Variants in ETV6 observed in about 807,000 individuals in gnomAD.
The protein encoded by ETV6 is transcription factor ETV6.
ETV6 carries 16 observed loss-of-function variants against 51.1 expected under a neutral mutation model. That is an observed-to-expected ratio of 0.31 (90% confidence interval 0.21 to 0.48). The LOEUF is 0.48. Ranked by LOEUF, ETV6 falls within the 20% of genes least tolerant of loss-of-function variation. ETV6 has a pLI of 0.99. For missense variants in ETV6, 458 were observed against 594.8 expected (o/e 0.77, Z 2.39); for synonymous variants, 240 against 224.1 (o/e 1.07, Z -0.64).
intron 1 of ETV6, among the ~76,000 whole-genome samples, chr12:11,664,764 C>A (rs1864165352): frequency 6.6e-6 from 1 of 152,214 alleles, no homozygotes; most frequent in Non-Finnish European, 1.5e-5. Context: ...CTTTCTCCTC[C>A]ATACCGGCTG....
At chr12:11,847,059 C>T (rs1946477505) in intron 3 of ETV6, among the ~76,000 whole-genome samples, 2 of 151,986 alleles carry the variant, frequency 1.3e-5, no homozygotes, top group South Asian at 2.1e-4. Context: ...AAAGTGGAGG[C>T]GGGGCATCTG....
intron 5 of ETV6, among the ~76,000 whole-genome samples, chr12:11,871,350 G>A (rs2739090): frequency 0.57 from 86,759 of 151,732 alleles, 25,473 homozygotes; most frequent in Non-Finnish European, 0.64. Flanking sequence ...CACCATGCCC[G>A]GCTAATTTTT....
chr12:11,769,050 C>A, intron 2 of ETV6: 1 of 431,520 alleles, frequency 2.3e-6, no homozygotes, highest in Non-Finnish European at 4.6e-6. Flanking sequence ...AGAGAAAAAA[C>A]TTGGATAATA....
At chr12:11,761,555 T>C (rs1391585931) in intron 2 of ETV6, among the ~76,000 whole-genome samples, 2 of 152,272 alleles carry the variant, frequency 1.3e-5, no homozygotes, top group Non-Finnish European at 2.9e-5. Flanking sequence ...CTTAAAACAC[T>C]GAACTTCCTG....
intron 2 of ETV6, chr12:11,768,952 A>G (rs767143757): frequency 1.0e-5 from 5 of 485,346 alleles, no homozygotes; most frequent in African/African-American, 9.7e-5. Context: ...AGAAAATTCA[A>G]ATCTTGTTCT....
chr12:11,676,375 A>G (rs2541119), intron 1 of ETV6, among the ~76,000 whole-genome samples: 13,540 of 151,986 alleles, frequency 0.089, 1,159 homozygotes, highest in African/African-American at 0.22. Context: ...GCCCTGACAA[A>G]TTTCTATTAC....
intron 1 of ETV6, among the ~76,000 whole-genome samples, chr12:11,737,869 T>G (rs942107547): frequency 1.3e-5 from 2 of 152,202 alleles, no homozygotes; most frequent in African/African-American, 4.8e-5. Context: ...CCCTGCCCAC[T>G]TTTTTTGTAG....
intron 2 of ETV6, among the ~76,000 whole-genome samples, chr12:11,761,609 G>A (rs886235809): frequency 1.3e-5 from 2 of 152,200 alleles, no homozygotes; most frequent in African/African-American, 2.4e-5. Context: ...ATTGCCTGAC[G>A]TTTGGTGCCT....
intron 1 of ETV6, among the ~76,000 whole-genome samples, chr12:11,659,218 G>A (rs565375565): frequency 1.9e-4 from 29 of 152,056 alleles, no homozygotes; most frequent in African/African-American, 6.5e-4. Context: ...AGATGTGAGG[G>A]GACCGAAGTG....
intron 2 of ETV6, among the ~76,000 whole-genome samples, chr12:11,773,410 C>T (rs1244752433): frequency 3.3e-5 from 5 of 151,946 alleles, no homozygotes; most frequent in African/African-American, 1.2e-4. Flanking sequence ...GACATGATGT[C>T]GGAATGAACA....
intron 7 of ETV6, among the ~76,000 whole-genome samples, chr12:11,888,399 T>TTTTCTTTC (rs1491382545): frequency 2.2e-3 from 10 of 4,618 alleles, no homozygotes; most frequent in East Asian, 4.1e-3. Context: ...TTTTCTTTTC[T>TTTTCTTTC]TTTTTTTTTT....
rs894627309 is a variant in ETV6, at chr12:11,801,136, T to C, written c.164-38004T>C. Among the ~76,000 whole-genome samples, 3 of 152,260 alleles carry C rather than the reference T, an allele frequency of 2.0e-5. No individual in the cohort carries two copies. In the South Asian group the frequency reaches 6.2e-4, roughly 32 times the overall value. On this transcript the variant is annotated intron_variant, in intron 2 of 7. Transcript: ENST00000396373. ...TTTTAAAGTGTAATTCTAAGGAGACTCCCAGCATCCGGATGGCAAATACGT... is the reference window on the plus strand; with the variant it reads ...TTTTAAAGTGTAATTCTAAGGAGACCCCCAGCATCCGGATGGCAAATACGT...
At chr12:11,839,698 G>A (rs1317825530) in intron 3 of ETV6, among the ~76,000 whole-genome samples, 1 of 152,108 alleles carries the variant, frequency 6.6e-6, no homozygotes, top group East Asian at 1.9e-4. Context: ...TGGGCAATGT[G>A]GCAAAACCTC....
At chr12:11,772,688 C>T (rs1945259509) in intron 2 of ETV6, among the ~76,000 whole-genome samples, 1 of 152,140 alleles carries the variant, frequency 6.6e-6, no homozygotes, top group African/African-American at 2.4e-5. Context: ...CAAGTCAGAG[C>T]GTCTGTTCAC....
rs975061387 is a variant in ETV6 at position 11,892,732 on chromosome 12, C to G, written c.*1686C>G. The G allele has an allele frequency of 4.3e-6, 1 of 232,986 alleles. No homozygotes were observed. Among genetic ancestry groups the G allele is most frequent in the Non-Finnish European group, 8.5e-6 (1 of 118,002 alleles). The allele number at this position is 232,986 out of a possible 1,614,324, so 14.4% of individuals were successfully genotyped here. A position where few individuals can be genotyped will look rare whatever the true frequency, so the allele number is the denominator to read the frequency against. On this transcript the variant is annotated 3_prime_UTR_variant, in exon 8 of 8. Transcript: ENST00000396373. ...AGCTCCCAGGTGAAGTTACCAGACCCCTGGGCTTCTCCCCAGCTTTTTCTG... is the reference window on the plus strand; with the variant it reads ...AGCTCCCAGGTGAAGTTACCAGACCGCTGGGCTTCTCCCCAGCTTTTTCTG...
intron 1 of ETV6, among the ~76,000 whole-genome samples, chr12:11,680,056 C>G (rs1864497799): frequency 6.6e-6 from 1 of 152,166 alleles, no homozygotes; most frequent in Non-Finnish European, 1.5e-5. Flanking sequence ...GTTGAGACAT[C>G]CAGCTTGATA....
intron 5 of ETV6, among the ~76,000 whole-genome samples, chr12:11,870,881 G>A (rs1360826140): frequency 6.6e-6 from 1 of 152,208 alleles, no homozygotes; most frequent in Non-Finnish European, 1.5e-5. Context: ...CATTCATTGA[G>A]CACCTACTGT....
rs573806306 is a variant in ETV6 at position 11,895,300 on chromosome 12, CA to C, written c.*4263del. 3.2e-4 allele frequency: 58 copies of C among 181,104 alleles called. No individual in the cohort carries two copies. Among genetic ancestry groups the C allele is most frequent in the African/African-American group, 5.0e-4 (19 of 38,282 alleles). 11.2% of individuals were successfully genotyped at this position (181,104 alleles called of 1,614,324 possible). A position where few individuals can be genotyped will look rare whatever the true frequency, so the allele number is the denominator to read the frequency against. On this transcript the variant is annotated 3_prime_UTR_variant, in exon 8 of 8. Transcript: ENST00000396373. Reference sequence around the variant, plus strand: ...AATGTAACAAAAAAGAAAAAAAAAACAAAAAAAAATGCCTTTTCTCAGGGCC... The same window carrying C: ...AATGTAACAAAAAAGAAAAAAAAAACAAAAAAAATGCCTTTTCTCAGGGCC...
chr12:11,733,232 C>T (rs1272182978), intron 1 of ETV6, among the ~76,000 whole-genome samples: 2 of 151,998 alleles, frequency 1.3e-5, no homozygotes, highest in Non-Finnish European at 2.9e-5. Flanking sequence ...CACAGTGAAA[C>T]CCTGTCTCTA....
Sources: gnomAD v4.1 joint callset for allele counts (sites outside exome capture counted in the v4.1 genomes callset) on GRCh38, gnomAD v4.1.1 for gene constraint, MANE v1.5 for transcripts, NCBI Gene and HGNC (gene_info 2026-07-23, HGNC 2026-07-21) for gene names.